Variants in ADAMTS13 observed in about 807,000 individuals in gnomAD.
ADAMTS13 encodes A disintegrin and metalloproteinase with thrombospondin motifs 13.
In ADAMTS13, 110 loss-of-function variants were observed where a neutral mutation model predicts 155.1. That is an observed-to-expected ratio of 0.71 (90% CI 0.61 to 0.83). The LOEUF is 0.83. ADAMTS13 is among the 40% of genes least tolerant of loss of function. ADAMTS13 has a pLI of 0.00. For missense variants in ADAMTS13, 1,707 were observed against 1,891.7 expected, an observed-to-expected ratio of 0.90 and a Z score of 1.81; for synonymous variants, 758 against 756.4, an observed-to-expected ratio of 1.00 and a Z score of -0.03.
intron 1 of ADAMTS13, among the ~76,000 whole-genome samples, 175 bp from the exon 2 acceptor site, chr9:133,422,926 C>T (rs1448031889): frequency 6.9e-6 from 1 of 145,968 alleles, no homozygotes; most frequent in Admixed American, 6.9e-5. Flanking sequence ...TTTTCTTTCT[C>T]TCTCTCTCTT....
At chr9:133,447,135 G>GC (rs1842119159) in intron 21 of ADAMTS13, among the ~76,000 whole-genome samples, 1 of 151,898 alleles carries the variant, frequency 6.6e-6, no homozygotes, top group Non-Finnish European at 1.5e-5. Flanking sequence ...GATTACAGGC[G>GC]TGAGCCCCCA....
At position 133,436,851 on chromosome 9, in the gene ADAMTS13, A is replaced by G; in HGVS notation, c.1331A>G (p.Glu444Gly). ...CAGGCCTGCGAGAAGACCCAGCTGG[A>G]GTTCATGTCGCAACAGTGCGCCAGG... ...NTQACEKTQLEFMSQQCARTD... is the reference protein window; with the variant it reads ...NTQACEKTQLGFMSQQCARTD... Residue 444 changes from glutamate to glycine, a missense_variant, in exon 12 of 29, where the codon GAG (glutamate) becomes GGG (glycine). By Grantham distance (98) the Glu-to-Gly change is moderately conservative. This residue lies in a region of ADAMTS13 where 733 missense variants were observed against 749.6 expected (regional missense o/e 0.98). Coordinates refer to ENST00000355699, the MANE Select transcript of ADAMTS13 (RefSeq NM_139027.6). 2 of 1,541,938 alleles carry G rather than the reference A, an allele frequency of 1.3e-6. No homozygotes were observed. Among genetic ancestry groups the G allele is most frequent in the South Asian group, 1.2e-5 (1 of 86,800 alleles).
intron 8 of ADAMTS13, among the ~76,000 whole-genome samples, chr9:133,431,993 G>A (rs1265405433): frequency 6.6e-6 from 1 of 152,074 alleles, no homozygotes; most frequent in African/African-American, 2.4e-5. Context: ...GCCAGGTGTG[G>A]TGGCTCACGC....
At chr9:133,437,433 T>A (rs1841317471) in intron 12 of ADAMTS13, among the ~76,000 whole-genome samples, 1 of 152,138 alleles carries the variant, frequency 6.6e-6, no homozygotes, top group African/African-American at 2.4e-5. Context: ...TTTTTTTGTA[T>A]TTTTAGTAGA....
intron 5 of ADAMTS13, 58 bp downstream of exon 5, chr9:133,426,120 C>G: frequency 6.2e-7 from 1 of 1,613,964 alleles, no homozygotes; most frequent in Non-Finnish European, 8.5e-7. Flanking sequence ...GCTCCCTCAG[C>G]CTCCTGCCCT....
intron 9 of ADAMTS13, among the ~76,000 whole-genome samples, chr9:133,433,172 T>TG (rs950225589): frequency 1.1e-5 from 1 of 93,090 alleles, no homozygotes; most frequent in African/African-American, 4.4e-5. Context: ...ACCTGTGTGT[T>TG]GGGGGGTCTC....
At chr9:133,433,214 G>A (rs977252431) in intron 9 of ADAMTS13, among the ~76,000 whole-genome samples, 164 bp from the exon 10 acceptor site, 6 of 150,872 alleles carry the variant, frequency 4.0e-5, no homozygotes, top group Non-Finnish European at 5.9e-5. Context: ...TGTGTTGGGG[G>A]ATCCCTATGG....
chr9:133,435,980 T>C (rs28723622), intron 11 of ADAMTS13, among the ~76,000 whole-genome samples: 14,237 of 147,516 alleles, frequency 0.097, 755 homozygotes, highest in Non-Finnish European at 0.13. Context: ...TTCTCTTCTT[T>C]TTTTTTTTTT....
At chr9:133,422,840 T>G (rs1046173450) in intron 1 of ADAMTS13, among the ~76,000 whole-genome samples, 2 of 151,594 alleles carry the variant, frequency 1.3e-5, no homozygotes, top group African/African-American at 4.9e-5. Flanking sequence ...GTCTCTGATT[T>G]CCCCCTCTCC....
intron 7 of ADAMTS13, 39 bp from the exon 8 acceptor site, chr9:133,429,900 C>T: frequency 6.5e-7 from 1 of 1,533,764 alleles, no homozygotes; most frequent in Non-Finnish European, 8.7e-7. Flanking sequence ...CGGTGTACAC[C>T]CCGGGACTGA....
intron 23 of ADAMTS13, among the ~76,000 whole-genome samples, chr9:133,450,335 G>A (rs1554794011): frequency 6.6e-6 from 1 of 152,104 alleles, no homozygotes; most frequent in Admixed American, 6.6e-5. Flanking sequence ...TTGGGAGGCT[G>A]AGGCGGGCAG....
At chr9:133,450,043 A>G in intron 23 of ADAMTS13, 78 bp downstream of exon 23, 2 of 1,496,168 alleles carry the variant, frequency 1.3e-6, no homozygotes, top group Admixed American at 4.0e-5. Flanking sequence ...TGTGCCTGTA[A>G]TCGCAGCTAC....
At chr9:133,443,679 A>C in intron 19 of ADAMTS13, 118 bp downstream of exon 19, 2 of 1,127,526 alleles carry the variant, frequency 1.8e-6, no homozygotes, top group Non-Finnish European at 2.4e-6. Flanking sequence ...GGGCCTCACC[A>C]TCCAGGGTGA....
At chr9:133,414,818 C>T (rs1554781200) in intron 1 of ADAMTS13, 7 of 1,614,176 alleles carry the variant, frequency 4.3e-6, no homozygotes, top group Non-Finnish European at 5.9e-6. Context: ...TGGCGCCCTC[C>T]TGTCCATCTT....
rs1161225862 is a variant in ADAMTS13 at position 133,433,426 on chromosome 9, G to C, written c.1141G>C (p.Ala381Pro). ...CRSLVELTPIAAVHGRWSSWG... is the reference protein window; with the variant it reads ...CRSLVELTPIPAVHGRWSSWG... ...CTCCCTGGTGGAGCTGACCCCCATA[G>C]CAGCAGTGCATGGGCGCTGGTCTAG... Residue 381 changes from alanine (A) to proline (P), a missense_variant, in exon 10 of 29, where the codon GCA becomes CCA. Coordinates refer to ENST00000355699, the MANE Select transcript of ADAMTS13 (RefSeq NM_139027.6). 1 of 1,613,228 alleles carries C rather than the reference G, an allele frequency of 6.2e-7. No individual in the cohort carries two copies. Among genetic ancestry groups the C allele is most frequent in the Non-Finnish European group, 8.5e-7 (1 of 1,179,946 alleles).
intron 18 of ADAMTS13, 135 bp downstream of exon 18, chr9:133,442,878 C>T: frequency 7.3e-7 from 1 of 1,372,872 alleles, no homozygotes; most frequent in Non-Finnish European, 9.6e-7. Context: ...CTCATTACCC[C>T]TGCCCACAGC....
At chr9:133,414,623 C>T (rs373282756) in exon 1 of ADAMTS13, 6 of 1,576,964 alleles carry the variant, frequency 3.8e-6, no homozygotes, top group Admixed American at 3.3e-5. Context: ...TTGGTGAAGT[C>T]GCTGTGCCTC....
At chr9:133,420,766 T>C (rs1839921285), upstream of ADAMTS13, among the ~76,000 whole-genome samples, 1 of 152,218 alleles carries the variant, frequency 6.6e-6, no homozygotes, top group African/African-American at 2.4e-5. Flanking sequence ...TAACTTGGGA[T>C]CCATCAAGAA....
intron 21 of ADAMTS13, among the ~76,000 whole-genome samples, chr9:133,446,109 G>A (rs1047545835): frequency 6.6e-6 from 1 of 152,152 alleles, no homozygotes; most frequent in Non-Finnish European, 1.5e-5. Flanking sequence ...TTGATGACCC[G>A]AGCAGAGAAA....
Sources: allele counts gnomAD v4.1 joint callset (sites outside exome capture counted in the v4.1 genomes callset), GRCh38; gene constraint gnomAD v4.1.1; regional missense constraint gnomAD v4.1.1; transcripts MANE v1.5; gene names NCBI Gene and HGNC (gene_info 2026-07-23, HGNC 2026-07-21).